The following SPAG16 variants were observed in gnomAD, a reference collection of about 807,000 sequenced individuals.
SPAG16 encodes sperm associated antigen 16, also known as sperm-associated antigen 16 protein.
Under a neutral mutation model 80.4 loss-of-function variants are expected in SPAG16, and 86 were observed. The observed-to-expected ratio is 1.07, with a 90% CI of 0.90 to 1.28. The LOEUF is 1.28. SPAG16 is among the 50% of genes most tolerant of loss of function. The pLI is 0.00. For synonymous variants in SPAG16, 294 were observed against 265.9 expected (o/e 1.11, Z -1.03); for missense variants, 870 against 765.3 (o/e 1.14, Z -1.61).
At chr2:213,888,748 G>T (rs1316639742) in intron 11 of SPAG16, among the ~76,000 whole-genome samples, 2 of 151,842 alleles carry the variant, frequency 1.3e-5, no homozygotes, top group Non-Finnish European at 1.5e-5. Flanking sequence ...TGGAAAGAGA[G>T]AATAGAGCTG....
intron 12 of SPAG16, among the ~76,000 whole-genome samples, chr2:213,969,441 T>C (rs1311626872): frequency 6.6e-6 from 1 of 152,184 alleles, no homozygotes; most frequent in Non-Finnish European, 1.5e-5. Context: ...ATCAACAGTG[T>C]TAAGAAGTGA....
intron 9 of SPAG16, among the ~76,000 whole-genome samples, chr2:213,449,062 C>G (rs1008247197): frequency 6.6e-6 from 1 of 151,968 alleles, no homozygotes; most frequent in East Asian, 1.9e-4. Flanking sequence ...AATATTAATA[C>G]CCTGGGAAAC....
intron 15 of SPAG16, among the ~76,000 whole-genome samples, chr2:214,352,929 C>T (rs895822773): frequency 1.3e-5 from 2 of 152,046 alleles, no homozygotes; most frequent in South Asian, 2.1e-4. Flanking sequence ...TACTGTCACC[C>T]CATGTTAATA....
chr2:213,924,320 C>A (rs2078362254), intron 11 of SPAG16, among the ~76,000 whole-genome samples: 1 of 152,214 alleles, frequency 6.6e-6, no homozygotes, highest in Non-Finnish European at 1.5e-5. Flanking sequence ...TACTCCCAGT[C>A]TTGTACAGGT....
At chr2:213,367,583 T>G (rs1342149967) in intron 8 of SPAG16, among the ~76,000 whole-genome samples, 2 of 152,386 alleles carry the variant, frequency 1.3e-5, no homozygotes, top group Non-Finnish European at 2.9e-5. Context: ...CATAAATGTC[T>G]TCTTTTGAGA....
chr2:213,997,535 A>G (rs2046581917), intron 12 of SPAG16, among the ~76,000 whole-genome samples: 1 of 152,230 alleles, frequency 6.6e-6, no homozygotes, highest in South Asian at 2.1e-4. Context: ...CTACTGTGGC[A>G]AAACTGAAGG....
At chr2:214,327,181 A>T (rs1304372401) in intron 15 of SPAG16, among the ~76,000 whole-genome samples, 1 of 152,238 alleles carries the variant, frequency 6.6e-6, no homozygotes, top group Non-Finnish European at 1.5e-5. Flanking sequence ...TTCACATTAT[A>T]ATCAAACTGG....
At chr2:214,336,091 T>C (rs1488573145) in intron 15 of SPAG16, among the ~76,000 whole-genome samples, 1 of 152,112 alleles carries the variant, frequency 6.6e-6, no homozygotes, top group Non-Finnish European at 1.5e-5. Context: ...AAAGTACTCA[T>C]TAGTAGTTGA....
At chr2:214,356,759 A>G (rs577290483) in intron 15 of SPAG16, among the ~76,000 whole-genome samples, 1 of 152,088 alleles carries the variant, frequency 6.6e-6, no homozygotes. Flanking sequence ...AAACTTTTAT[A>G]AGGTGATATT....
chr2:214,074,862 C>T (rs1217949531), intron 13 of SPAG16, among the ~76,000 whole-genome samples: 4 of 151,870 alleles, frequency 2.6e-5, no homozygotes, highest in Admixed American at 2.6e-4. Context: ...ATAAAATGCC[C>T]CAAAGTAAAA....
intron 12 of SPAG16, among the ~76,000 whole-genome samples, chr2:213,947,608 G>A (rs534352395): frequency 9.2e-5 from 14 of 151,968 alleles, no homozygotes; most frequent in African/African-American, 3.4e-4. Context: ...TGTCCTTTAG[G>A]TCAAGGACAT....
At chr2:214,188,921 G>A (rs571673966) in intron 15 of SPAG16, among the ~76,000 whole-genome samples, 4 of 152,134 alleles carry the variant, frequency 2.6e-5, no homozygotes, top group African/African-American at 9.6e-5. Flanking sequence ...TTTATAGCAA[G>A]GTGTGTCAGT....
chr2:214,115,009 C>T (rs369347503), intron 14 of SPAG16, among the ~76,000 whole-genome samples: 16 of 152,324 alleles, frequency 1.1e-4, no homozygotes, highest in African/African-American at 3.6e-4. Flanking sequence ...AATATAGCTC[C>T]AAATCAGTAT....
At chr2:213,533,308 C>A (rs2076135183) in intron 10 of SPAG16, among the ~76,000 whole-genome samples, 1 of 152,124 alleles carries the variant, frequency 6.6e-6, no homozygotes, top group African/African-American at 2.4e-5. Flanking sequence ...GCTCAAATTT[C>A]TCCTCCCTCC....
At chr2:214,133,219 C>T (rs961983902) in intron 14 of SPAG16, among the ~76,000 whole-genome samples, 6 of 151,960 alleles carry the variant, frequency 3.9e-5, no homozygotes, top group African/African-American at 1.4e-4. Context: ...GGGGCTATTT[C>T]GTGCATTATA....
chr2:213,355,737 T>A (rs1031729960), intron 7 of SPAG16, among the ~76,000 whole-genome samples: 4 of 152,226 alleles, frequency 2.6e-5, no homozygotes, highest in Non-Finnish European at 2.9e-5. Context: ...TTTGCTGAAG[T>A]TGCTTATCAG....
chr2:214,126,973 T>C (rs2054526953), intron 14 of SPAG16, among the ~76,000 whole-genome samples: 1 of 151,922 alleles, frequency 6.6e-6, no homozygotes, highest in Non-Finnish European at 1.5e-5. Flanking sequence ...GTAAGTTCTC[T>C]GTAAGTGTTT....
intron 10 of SPAG16, among the ~76,000 whole-genome samples, chr2:213,836,375 C>G (rs896251067): frequency 1.3e-5 from 2 of 151,926 alleles, no homozygotes; most frequent in South Asian, 2.1e-4. Flanking sequence ...GTTCTATTGT[C>G]TAAGAGAGGT....
intron 9 of SPAG16, among the ~76,000 whole-genome samples, chr2:213,399,337 T>C (rs1575483370): frequency 6.6e-6 from 1 of 152,036 alleles, no homozygotes; most frequent in East Asian, 1.9e-4. Flanking sequence ...GTATATTAAT[T>C]TTTTTGACCA....
Sources: gnomAD v4.1 joint callset for allele counts (sites outside exome capture counted in the v4.1 genomes callset) on GRCh38, gnomAD v4.1.1 for gene constraint, MANE v1.5 for transcripts, NCBI Gene and HGNC (gene_info 2026-07-23, HGNC 2026-07-21) for gene names.